The following GNAQ variants were observed in gnomAD, a reference collection of about 807,000 sequenced individuals.
GNAQ encodes the protein guanine nucleotide-binding protein G(q) subunit alpha.
In GNAQ, 8 loss-of-function variants were observed where a neutral mutation model predicts 43.9. The observed-to-expected ratio is 0.18, with a 90% CI of 0.11 to 0.33. GNAQ has a LOEUF of 0.33. Ranked by LOEUF, GNAQ falls within the 10% of genes least tolerant of loss-of-function variation. The pLI is 1.00. For missense variants in GNAQ, 158 were observed against 450.8 expected (o/e 0.35, Z 5.88); for synonymous variants, 155 against 170.7 (o/e 0.91, Z 0.71).
intron 1 of GNAQ, among the ~76,000 whole-genome samples, chr9:78,011,732 A>G (rs978633921): frequency 2.0e-5 from 3 of 152,228 alleles, no homozygotes; most frequent in African/African-American, 7.2e-5. Context: ...GTGCCAAATC[A>G]GCATTGCAGA....
intron 4 of GNAQ, among the ~76,000 whole-genome samples, chr9:77,796,391 G>A (rs1826658642): frequency 6.6e-6 from 1 of 151,942 alleles, no homozygotes; most frequent in African/African-American, 2.4e-5. Flanking sequence ...CAATGGGGTG[G>A]GCGCTCCTAG....
intron 5 of GNAQ, among the ~76,000 whole-genome samples, chr9:77,750,833 C>T (rs1242574370): frequency 6.6e-6 from 1 of 152,122 alleles, no homozygotes; most frequent in Admixed American, 6.5e-5. Context: ...CTATACACTC[C>T]CCCAACACCC....
chr9:77,867,019 C>G (rs1365138497), intron 2 of GNAQ, among the ~76,000 whole-genome samples: 10 of 152,154 alleles, frequency 6.6e-5, no homozygotes, highest in Non-Finnish European at 1.3e-4. Flanking sequence ...AAAGAGAGCT[C>G]CTTTAGTAAG....
chr9:77,880,834 A>T (rs1828196543), intron 2 of GNAQ, among the ~76,000 whole-genome samples: 1 of 152,090 alleles, frequency 6.6e-6, no homozygotes, highest in Admixed American at 6.5e-5. Context: ...CATGGAAAGG[A>T]CATGCTTCCC....
At chr9:77,972,860 G>A (rs894923099) in intron 1 of GNAQ, among the ~76,000 whole-genome samples, 1 of 151,774 alleles carries the variant, frequency 6.6e-6, no homozygotes, top group Non-Finnish European at 1.5e-5. Context: ...GGTTGAGGCA[G>A]GAGAATTGCT....
intron 2 of GNAQ, 57 bp from the exon 3 acceptor site, chr9:77,815,827 C>T: frequency 2.5e-6 from 3 of 1,190,078 alleles, no homozygotes; most frequent in Non-Finnish European, 3.7e-6. Flanking sequence ...ATTTTCTTTG[C>T]TTTGCATATT....
intron 2 of GNAQ, among the ~76,000 whole-genome samples, chr9:77,833,805 T>C (rs1827339751): frequency 6.6e-6 from 1 of 152,162 alleles, no homozygotes; most frequent in African/African-American, 2.4e-5. Flanking sequence ...GTTGCCACCC[T>C]TTCTTTCGTA....
At chr9:77,771,179 GCTAT>G (rs1445237491) in intron 5 of GNAQ, among the ~76,000 whole-genome samples, 1 of 152,110 alleles carries the variant, frequency 6.6e-6, no homozygotes, top group African/African-American at 2.4e-5. Context: ...TAAATTCTAT[GCTAT>G]CTCTTTCCTT....
rs550613555 is a variant in GNAQ, at chr9:77,979,534, T to C, written c.136+51566A>G. On this transcript the variant is annotated intron_variant, in intron 1 of 6. Transcript: ENST00000286548. ...TCCCCTTCTAGTAGGGAAGTGCCCCTTACTAGGAAAGCACAAGGGAACAGT... is the reference window on the plus strand; with the variant it reads ...TCCCCTTCTAGTAGGGAAGTGCCCCCTACTAGGAAAGCACAAGGGAACAGT... Among the ~76,000 whole-genome samples the C allele has an allele frequency of 1.2e-3, 186 of 152,084 alleles. 2 individuals carry two copies. The highest frequency in any genetic ancestry group is 4.3e-3 in the African/African-American group (177 of 41,486).
At chr9:77,932,415 T>C (rs1829165123) in intron 1 of GNAQ, among the ~76,000 whole-genome samples, 1 of 152,186 alleles carries the variant, frequency 6.6e-6, no homozygotes, top group African/African-American at 2.4e-5. Context: ...CTAATGGAGA[T>C]GAGTGCTATG....
intron 2 of GNAQ, among the ~76,000 whole-genome samples, chr9:77,842,391 A>G (rs980419653): frequency 3.3e-5 from 5 of 152,218 alleles, no homozygotes; most frequent in African/African-American, 7.2e-5. Context: ...ATTGACAAAC[A>G]ACATTCCTTG....
chr9:77,788,541 T>G (rs1826519533), intron 5 of GNAQ, among the ~76,000 whole-genome samples: 1 of 152,180 alleles, frequency 6.6e-6, no homozygotes, highest in Non-Finnish European at 1.5e-5. Flanking sequence ...ATGAGGCCAG[T>G]GGCTTCTGGG....
chr9:77,940,402 A>G (rs1829297102), intron 1 of GNAQ, among the ~76,000 whole-genome samples: 1 of 152,054 alleles, frequency 6.6e-6, no homozygotes, highest in Admixed American at 6.6e-5. Flanking sequence ...GCAACACGGC[A>G]AAGCCCCATC....
intron 5 of GNAQ, among the ~76,000 whole-genome samples, chr9:77,767,272 C>T (rs1023487581): frequency 6.6e-6 from 1 of 152,034 alleles, no homozygotes; most frequent in Non-Finnish European, 1.5e-5. Context: ...TCCTGTGTGC[C>T]GCAAGAGGTT....
At chr9:77,749,242 C>G (rs989542402) in intron 5 of GNAQ, among the ~76,000 whole-genome samples, 1 of 152,168 alleles carries the variant, frequency 6.6e-6, no homozygotes, top group Non-Finnish European at 1.5e-5. Context: ...CCCACTCAAA[C>G]CAATACCTTG....
intron 5 of GNAQ, among the ~76,000 whole-genome samples, chr9:77,761,750 C>T (rs1351321177): frequency 1.5e-5 from 1 of 68,356 alleles, no homozygotes; most frequent in South Asian, 6.6e-4. Context: ...CCCGGCCAGC[C>T]GCCCCGTCCG....
chr9:77,720,996 A>C lies in GNAQ; in HGVS notation c.*327T>G. On this transcript the variant is annotated 3_prime_UTR_variant, in exon 7 of 7. Coordinates refer to ENST00000286548, the MANE Select transcript of GNAQ (RefSeq NM_002072.5). Reference sequence around the variant, plus strand: ...AGCTTTGTTTTGCTCCATAGAAAAGAAAAAGAGAGAGAGACAGAAAGAAAC... The same window carrying C: ...AGCTTTGTTTTGCTCCATAGAAAAGCAAAAGAGAGAGAGACAGAAAGAAAC... 1 of 262,498 alleles carries C rather than the reference A, an allele frequency of 3.8e-6. No individual in the cohort carries two copies. The highest frequency in any genetic ancestry group is 7.2e-6 in the Non-Finnish European group (1 of 138,244). The allele number at this position is 262,498 out of a possible 1,614,324, so 16.3% of individuals were successfully genotyped here.
chr9:77,863,229 A>AG (rs1827889164), intron 2 of GNAQ, among the ~76,000 whole-genome samples: 3 of 152,124 alleles, frequency 2.0e-5, no homozygotes, highest in African/African-American at 7.2e-5. Context: ...GGAGGAAGGA[A>AG]GAAAGGAAGG....
intron 2 of GNAQ, among the ~76,000 whole-genome samples, chr9:77,842,562 G>A (rs1049276380): frequency 1.3e-5 from 2 of 152,152 alleles, no homozygotes; most frequent in African/African-American, 2.4e-5. Flanking sequence ...GAGGTGCTTT[G>A]TTGAAGACTG....
Sources: allele counts gnomAD v4.1 joint callset (sites outside exome capture counted in the v4.1 genomes callset), GRCh38; gene constraint gnomAD v4.1.1; transcripts MANE v1.5; gene names NCBI Gene and HGNC (gene_info 2026-07-23, HGNC 2026-07-21).